The following MGST2 variants were observed in gnomAD, a reference collection of about 807,000 sequenced individuals.
MGST2 encodes the protein microsomal glutathione S-transferase 2, also known as glutathione peroxidase MGST2.
MGST2 carries 9 observed loss-of-function variants against 16.6 expected under a neutral mutation model. The ratio of observed to expected loss-of-function variants is 0.54; its 90% CI spans 0.33 to 0.95. The LOEUF (loss-of-function observed/expected upper bound fraction) is 0.95. MGST2 is among the 40% of genes least tolerant of loss of function. The pLI is 0.03. For synonymous variants in MGST2, 79 were observed against 68.0 expected (o/e 1.16, Z -0.79); for missense variants, 159 against 175.1 (o/e 0.91, Z 0.52).
At chr4:139,738,560 A>C (rs1418751652) in intron 5 of MGST2, among the ~76,000 whole-genome samples, 1 of 152,190 alleles carries the variant, frequency 6.6e-6, no homozygotes, top group Admixed American at 6.5e-5. Context: ...AACAAAAAAA[A>C]GGTCTTGGTC....
intron 5 of MGST2, among the ~76,000 whole-genome samples, chr4:139,721,525 A>C (rs1728233349): frequency 6.6e-6 from 1 of 152,238 alleles, no homozygotes; most frequent in African/African-American, 2.4e-5. Context: ...AACCTTGTTA[A>C]ACCTGGCACC....
chr4:139,679,101 A>ATCTAC, intron 2 of MGST2: 4 of 179,490 alleles, frequency 2.2e-5, no homozygotes, highest in South Asian at 1.3e-4. Context: ...TAAGAATGAG[A>ATCTAC]AAGCTTGCCA....
rs768804954 is a variant in MGST2, at chr4:139,704,127, G to T, written c.423G>T (p.Lys141Asn). The change falls in exon 5 of 5, where the codon AAG (lysine) becomes AAT (asparagine). Residue 141 changes from lysine (K) to asparagine (N), a missense_variant. By Grantham distance (94) the Lys-to-Asn change is moderately conservative (BLOSUM62 0). Transcript: ENST00000265498. ...AATATCTGGACCTCAATATTGCCAA[G>T]AAACTGAGGCGGCAATTCTAACTTT... ...LDEYLDLNIA[K>N]KLRRQF The T allele has an allele frequency of 6.2e-7, 1 of 1,614,192 alleles. No homozygotes were observed. The highest frequency in any genetic ancestry group is 1.7e-5 in the Admixed American group (1 of 60,022).
chr4:139,670,138 C>T (rs8192021), intron 1 of MGST2, among the ~76,000 whole-genome samples: 12,015 of 151,516 alleles, frequency 0.079, 1,004 homozygotes, highest in African/African-American at 0.21. Context: ...GCATCCTGTG[C>T]CTTGGTAGAG....
intron 5 of MGST2, chr4:139,719,636 G>A (rs370543535): frequency 9.9e-6 from 16 of 1,612,102 alleles, no homozygotes; most frequent in South Asian, 3.3e-5. Context: ...TTGCTGCCCC[G>A]GGAGCGATGG....
chr4:139,686,214 G>A (rs1731556717), intron 2 of MGST2, among the ~76,000 whole-genome samples: 1 of 152,186 alleles, frequency 6.6e-6, no homozygotes, highest in Admixed American at 6.5e-5. Context: ...ATTTTTCCTG[G>A]TTGACAACTG....
At chr4:139,690,742 T>C (rs1726528930) in intron 2 of MGST2, among the ~76,000 whole-genome samples, 1 of 152,184 alleles carries the variant, frequency 6.6e-6, no homozygotes, top group Admixed American at 6.5e-5. Context: ...CACAGTTTGA[T>C]TCTTTTTCCC....
At chr4:139,711,810 T>C (rs1727754795) in intron 5 of MGST2, among the ~76,000 whole-genome samples, 1 of 152,184 alleles carries the variant, frequency 6.6e-6, no homozygotes, top group Admixed American at 6.5e-5. Flanking sequence ...CCCCCTTTCT[T>C]TTATAAGAGA....
chr4:139,689,944 A>G (rs190104507), intron 2 of MGST2, among the ~76,000 whole-genome samples: 1 of 152,288 alleles, frequency 6.6e-6, no homozygotes, highest in Admixed American at 6.5e-5. Context: ...GGGTGAGGAA[A>G]ATATTGGAGC....
At chr4:139,677,658 C>T (rs192076131) in intron 1 of MGST2, among the ~76,000 whole-genome samples, 8 of 152,152 alleles carry the variant, frequency 5.3e-5, no homozygotes, top group South Asian at 2.1e-4. Flanking sequence ...TGCACCACCA[C>T]GTCCAGCAAA....
At chr4:139,733,288 AG>A (rs556067861) in intron 5 of MGST2, among the ~76,000 whole-genome samples, 1 of 152,210 alleles carries the variant, frequency 6.6e-6, no homozygotes, top group Non-Finnish European at 1.5e-5. Context: ...ATGAGGCCCA[AG>A]GGAAGATAAA....
At chr4:139,725,064 C>A (rs1370717412) in intron 5 of MGST2, among the ~76,000 whole-genome samples, 1 of 152,152 alleles carries the variant, frequency 6.6e-6, no homozygotes. Flanking sequence ...CGGCCAAGGG[C>A]TCTCTCTATT....
At chr4:139,711,227 G>T (rs1727729098) in intron 5 of MGST2, among the ~76,000 whole-genome samples, 1 of 151,988 alleles carries the variant, frequency 6.6e-6, no homozygotes, top group South Asian at 2.1e-4. Context: ...GCCCAGGCTG[G>T]TCTCAAACTG....
At chr4:139,727,279 G>T (rs1216189877) in intron 5 of MGST2, among the ~76,000 whole-genome samples, 1 of 152,198 alleles carries the variant, frequency 6.6e-6, no homozygotes, top group African/African-American at 2.4e-5. Context: ...TTAATTGATT[G>T]TGTAGACCAT....
chr4:139,670,334 G>C (rs894942078), intron 1 of MGST2, among the ~76,000 whole-genome samples: 3 of 151,792 alleles, frequency 2.0e-5, no homozygotes, highest in African/African-American at 7.3e-5. Context: ...CAATATGAGT[G>C]ACCATGGCTC....
At chr4:139,707,697 C>T (rs1324070365), downstream of MGST2, among the ~76,000 whole-genome samples, 27 of 150,662 alleles carry the variant, frequency 1.8e-4, no homozygotes, top group African/African-American at 6.5e-4. Context: ...TCCTATTTCT[C>T]CACATCCTCT....
At chr4:139,696,925 ATGT>A (rs1204492705) in intron 3 of MGST2, among the ~76,000 whole-genome samples, 2 of 151,976 alleles carry the variant, frequency 1.3e-5, no homozygotes, top group African/African-American at 4.8e-5. Context: ...TGAATTAAAG[ATGT>A]TGTGTTTGGG....
intron 5 of MGST2, among the ~76,000 whole-genome samples, chr4:139,711,799 C>T (rs1272714851): frequency 6.6e-6 from 1 of 151,664 alleles, no homozygotes; most frequent in South Asian, 2.1e-4. Context: ...TCTGACATTT[C>T]CCCCCTTTCT....
the MGST2 span, among the ~76,000 whole-genome samples, chr4:139,753,859 C>A: frequency 1.3e-5 from 2 of 152,206 alleles, no homozygotes; most frequent in South Asian, 4.1e-4. Flanking sequence ...TCAAGGAACT[C>A]CTACATCAGA....
Sources: allele counts gnomAD v4.1 joint callset (sites outside exome capture counted in the v4.1 genomes callset), GRCh38; gene constraint gnomAD v4.1.1; transcripts MANE v1.5; gene names NCBI Gene and HGNC (gene_info 2026-07-23, HGNC 2026-07-21).